Variants in FIGN observed in about 807,000 individuals in gnomAD.
FIGN encodes fidgetin, microtubule severing factor, also known as fidgetin.
FIGN carries 11 observed loss-of-function variants against 51.3 expected under a neutral mutation model. That is an observed-to-expected ratio of 0.21 (90% CI 0.13 to 0.35). The LOEUF is 0.35. Among genes scored for constraint, FIGN ranks in the 10% least tolerant of loss-of-function variants. The probability of loss-of-function intolerance (pLI) is 1.00; values close to 1 mark genes in which losing one functional copy is unlikely to be tolerated. For missense variants in FIGN, 857 were observed against 943.6 expected (o/e 0.91, Z 1.20); for synonymous variants, 407 against 363.2 (o/e 1.12, Z -1.37).
chr2:163,714,345 A>G (rs1684636129), intron 2 of FIGN, among the ~76,000 whole-genome samples: 1 of 152,178 alleles, frequency 6.6e-6, no homozygotes, highest in Admixed American at 6.5e-5. Flanking sequence ...ACAAGTAAGC[A>G]GCATGTTTCT....
chr2:163,710,482 G>A (rs1684569928), intron 2 of FIGN, among the ~76,000 whole-genome samples: 1 of 152,188 alleles, frequency 6.6e-6, no homozygotes, highest in African/African-American at 2.4e-5. Flanking sequence ...TGGCCAACAA[G>A]AGAGTCTTCT....
chr2:163,703,676 T>A (rs1444801831), intron 2 of FIGN, among the ~76,000 whole-genome samples: 1 of 152,118 alleles, frequency 6.6e-6, no homozygotes, highest in African/African-American at 2.4e-5. Context: ...GGCCTTAAGA[T>A]GTAAAGGTCT....
intron 2 of FIGN, among the ~76,000 whole-genome samples, chr2:163,668,367 C>T (rs1415448795): frequency 6.6e-6 from 1 of 152,056 alleles, no homozygotes; most frequent in Non-Finnish European, 1.5e-5. Flanking sequence ...CTGTGATCAC[C>T]CAAACTAAGA....
chr2:163,714,436 C>T (rs1367427499), intron 2 of FIGN, among the ~76,000 whole-genome samples: 2 of 152,144 alleles, frequency 1.3e-5, no homozygotes, highest in Non-Finnish European at 2.9e-5. Context: ...TCACCTCCCC[C>T]CAAAAAAGAG....
intron 2 of FIGN, among the ~76,000 whole-genome samples, chr2:163,690,489 A>G (rs973417148): frequency 6.6e-6 from 1 of 152,056 alleles, no homozygotes; most frequent in African/African-American, 2.4e-5. Context: ...CCATTTGTAA[A>G]AAGCAATCTA....
At chr2:163,617,268 G>T in intron 2 of FIGN, 1 of 980,324 alleles carries the variant, frequency 1.0e-6, no homozygotes, top group African/African-American at 1.7e-5. Context: ...ATCTTTAGAG[G>T]ACCAAAATTA....
chr2:163,671,237 GCA>G (rs1683870557), intron 2 of FIGN, among the ~76,000 whole-genome samples: 1 of 152,170 alleles, frequency 6.6e-6, no homozygotes, highest in South Asian at 2.1e-4. Context: ...TCCATGTGTA[GCA>G]CAGTTGAGGA....
intron 2 of FIGN, among the ~76,000 whole-genome samples, chr2:163,653,185 T>A (rs562804627): frequency 6.6e-6 from 1 of 152,216 alleles, no homozygotes; most frequent in Non-Finnish European, 1.5e-5. Flanking sequence ...GTAATGTGCT[T>A]CAAATAATGA....
At chr2:163,720,774 C>T (rs1168272647) in intron 2 of FIGN, among the ~76,000 whole-genome samples, 3 of 152,114 alleles carry the variant, frequency 2.0e-5, no homozygotes, top group Admixed American at 2.0e-4. Context: ...GGTTGCTCTA[C>T]TAAATAAACA....
intron 2 of FIGN, among the ~76,000 whole-genome samples, chr2:163,614,403 G>A (rs938935123): frequency 1.3e-5 from 2 of 152,090 alleles, no homozygotes; most frequent in African/African-American, 4.8e-5. Flanking sequence ...TTTACTTCAA[G>A]CCTTATAAAA....
intron 2 of FIGN, among the ~76,000 whole-genome samples, chr2:163,662,011 T>C (rs887601395): frequency 1.3e-5 from 2 of 152,142 alleles, no homozygotes. Context: ...AATGTGGAAG[T>C]GACTTTGGAA....
chr2:163,680,546 C>A lies in FIGN; in HGVS notation c.25+54357G>T, dbSNP rs956258831. Reference sequence around the variant, plus strand: ...CATCTCATCTGCCATCACCCCCTCACCTGGAAGCCTGTGAATTGATTTGCT... The same window carrying A: ...CATCTCATCTGCCATCACCCCCTCAACTGGAAGCCTGTGAATTGATTTGCT... On this transcript the variant is annotated intron_variant, in intron 2 of 2. Transcript: ENST00000333129. Among the ~76,000 whole-genome samples the A allele has an allele frequency of 4.6e-5, 7 of 152,274 alleles. No individual in the cohort carries two copies. The South Asian group carries it at 1.5e-3, about 32-fold the overall frequency.
At chr2:163,665,060 CTTA>C (rs1683751332) in intron 2 of FIGN, among the ~76,000 whole-genome samples, 1 of 152,212 alleles carries the variant, frequency 6.6e-6, no homozygotes, top group Non-Finnish European at 1.5e-5. Flanking sequence ...TGAGTTGCCA[CTTA>C]TTATTATTTT....
At chr2:163,704,965 T>C (rs1267798222) in intron 2 of FIGN, among the ~76,000 whole-genome samples, 1 of 152,128 alleles carries the variant, frequency 6.6e-6, no homozygotes, top group African/African-American at 2.4e-5. Flanking sequence ...ATTTTAGCAT[T>C]AAAATATCCT....
At position 163,610,801 on chromosome 2, in the gene FIGN, G is replaced by T. The variant is rs767140622; in HGVS notation, c.1031C>A (p.Thr344Lys). The T allele has an allele frequency of 1.5e-5, 24 of 1,614,086 alleles. No individual in the cohort carries two copies. In the South Asian group the frequency reaches 2.5e-4, roughly 17 times the overall value. The change falls in exon 3 of 3, where the codon ACA becomes AAA. Residue 344 changes from threonine to lysine, a missense_variant. Around this residue, in one of 3 missense-constraint regions of FIGN, gnomAD observed 799 missense variants for 849.5 expected, o/e 0.94. Transcript: ENST00000333129. Reference sequence around the variant, plus strand: ...GGGCATTCTGTACATAGGACTCTGTGTAGATCTCTGTTGGCCATAGCTGTA... The same window carrying T: ...GGGCATTCTGTACATAGGACTCTGTTTAGATCTCTGTTGGCCATAGCTGTA... Reference protein sequence around the residue: ...GNYSYGQQRSTQSPMYRMPDN... With the variant: ...GNYSYGQQRSKQSPMYRMPDN...
Position 163,602,866 on chromosome 2 carries a change from A to G in FIGN, c.*6686T>C, listed in dbSNP as rs1244040198. ...AGGGACAGTTGTTACAATACTGAGCACTGAATTTTTTTTTAATATATTACA... is the reference window on the plus strand; with the variant it reads ...AGGGACAGTTGTTACAATACTGAGCGCTGAATTTTTTTTTAATATATTACA... On this transcript the variant is annotated 3_prime_UTR_variant, in exon 3 of 3. Transcript: ENST00000333129. 6.6e-6 allele frequency: 1 copy of G among 152,038 alleles called. No individual in the cohort carries two copies. The highest frequency in any genetic ancestry group is 1.5e-5 in the Non-Finnish European group (1 of 67,964). The allele number at this position is 152,038 out of a possible 1,614,324, so 9.4% of individuals were successfully genotyped here. A position where few individuals can be genotyped will look rare whatever the true frequency, so the allele number is the denominator to read the frequency against.
intron 2 of FIGN, among the ~76,000 whole-genome samples, chr2:163,687,856 T>C (rs189305392): frequency 1.3e-5 from 2 of 152,186 alleles, no homozygotes; most frequent in African/African-American, 4.8e-5. Context: ...TCCTCACATA[T>C]CTTGGGTCAC....
At chr2:163,734,554 C>A in intron 2 of FIGN, among the ~76,000 whole-genome samples, 1 of 43,864 alleles carries the variant, frequency 2.3e-5, no homozygotes, top group Non-Finnish European at 4.6e-5. Context: ...AGCCTCCCTC[C>A]TTCAAAAAAA....
chr2:163,733,707 G>A (rs1684966841), intron 2 of FIGN, among the ~76,000 whole-genome samples: 1 of 152,162 alleles, frequency 6.6e-6, no homozygotes, highest in Admixed American at 6.5e-5. Context: ...TGTAAGTGTG[G>A]TGTGTATTTA....
Sources: gnomAD v4.1 joint callset for allele counts (sites outside exome capture counted in the v4.1 genomes callset) on GRCh38, gnomAD v4.1.1 for gene constraint, gnomAD v4.1.1 regional missense constraint, MANE v1.5 for transcripts, NCBI Gene and HGNC (gene_info 2026-07-23, HGNC 2026-07-21) for gene names.